The following TGFBR2 variants were observed in gnomAD, a reference collection of about 807,000 sequenced individuals.
TGFBR2 encodes transforming growth factor beta receptor 2, also known as TGF-beta receptor type-2.
A neutral mutation model predicts 49.0 loss-of-function variants in TGFBR2; 18 were observed. The ratio of observed to expected loss-of-function variants is 0.37; its 90% CI spans 0.25 to 0.54. The LOEUF (loss-of-function observed/expected upper bound fraction) is 0.54, where lower values mean the gene tolerates loss of function less well. TGFBR2 is among the 20% of genes least tolerant of loss of function. The probability of loss-of-function intolerance (pLI) is 0.85; values close to 1 mark genes in which losing one functional copy is unlikely to be tolerated. For synonymous variants in TGFBR2, 282 were observed against 275.9 expected (o/e 1.02, Z -0.22); for missense variants, 525 against 722.6 (o/e 0.73, Z 3.13).
intron 1 of TGFBR2, among the ~76,000 whole-genome samples, chr3:30,617,707 G>A (rs1035822548): frequency 4.6e-5 from 7 of 152,062 alleles, no homozygotes; most frequent in African/African-American, 1.7e-4. Flanking sequence ...CGAAAATGAT[G>A]GTTTCCTATC....
intron 5 of TGFBR2, among the ~76,000 whole-genome samples, chr3:30,681,185 C>T (rs1242701429): frequency 1.5e-5 from 2 of 137,094 alleles, no homozygotes; most frequent in African/African-American, 5.5e-5. Flanking sequence ...AAAAAAAGTG[C>T]AAATGAACCA....
intron 1 of TGFBR2, among the ~76,000 whole-genome samples, chr3:30,610,865 C>T (rs989988352): frequency 1.3e-5 from 2 of 152,212 alleles, no homozygotes; most frequent in African/African-American, 4.8e-5. Flanking sequence ...CCACAGCCCA[C>T]ATTTTCCCAG....
chr3:30,623,260 T>C, intron 1 of TGFBR2: 3 of 1,613,994 alleles, frequency 1.9e-6, no homozygotes, highest in South Asian at 1.1e-5. Flanking sequence ...GGACTGCCCA[T>C]CCACTGAGAC....
intron 2 of TGFBR2, among the ~76,000 whole-genome samples, chr3:30,647,018 C>T (rs1028412717): frequency 5.9e-5 from 9 of 152,102 alleles, no homozygotes; most frequent in African/African-American, 1.9e-4. Context: ...AAAATTCTCC[C>T]GTGAAGCCAG....
At chr3:30,614,552 A>G (rs1698096758) in intron 1 of TGFBR2, among the ~76,000 whole-genome samples, 1 of 152,200 alleles carries the variant, frequency 6.6e-6, no homozygotes, top group South Asian at 2.1e-4. Flanking sequence ...ACATAGGGAA[A>G]TGAAATTGGG....
At chr3:30,682,903 T>C (rs1699562318) in intron 5 of TGFBR2, among the ~76,000 whole-genome samples, 1 of 152,198 alleles carries the variant, frequency 6.6e-6, no homozygotes, top group Admixed American at 6.5e-5. Flanking sequence ...GGGAAGGGCA[T>C]GTTCATACCA....
chr3:30,622,879 C>CAAAAAAAAAA (rs10575244), intron 1 of TGFBR2, among the ~76,000 whole-genome samples: 4 of 75,624 alleles, frequency 5.3e-5, no homozygotes, highest in Non-Finnish European at 6.9e-5. Flanking sequence ...GACTTTGTCT[C>CAAAAAAAAAA]AAAAAAAAAA....
intron 5 of TGFBR2, among the ~76,000 whole-genome samples, chr3:30,679,840 A>T (rs548198706): frequency 1.3e-5 from 2 of 152,290 alleles, no homozygotes; most frequent in South Asian, 2.1e-4. Flanking sequence ...AATAGTAGCT[A>T]TGGCCATGTA....
At position 30,691,673 on chromosome 3, in the gene TGFBR2, G is replaced by A; in HGVS notation, c.*74G>A. On this transcript the variant is annotated 3_prime_UTR_variant, in exon 7 of 7. Coordinates refer to ENST00000295754, the MANE Select transcript of TGFBR2 (RefSeq NM_003242.6). ...CAAAGAACAGAGGCAGCAGGAAGCT[G>A]CCCCTGAACTGATGCTTCCTGGAAA... 6.3e-7 allele frequency: 1 copy of A among 1,577,092 alleles called. No homozygotes were observed. Among genetic ancestry groups the A allele is most frequent in the South Asian group, 1.1e-5 (1 of 89,860 alleles).
In TGFBR2 at chr3:30,672,354, C is replaced by T. The variant is rs779762218; in HGVS notation, c.1171C>T (p.Leu391=). ...KSSNILVKND[L]TCCLCDFGLS... The stretch of plus-strand genomic sequence containing the variant: ...CTCCAATATCCTCGTGAAGAACGAC[C>T]TAACCTGCTGCCTGTGTGACTTTGG... The change falls in exon 4 of 7, where the codon CTA becomes TTA. Residue 391 remains leucine, a synonymous_variant. Transcript: ENST00000295754. The surrounding 1 kb of genome is among the most constrained non-coding windows in gnomAD (Gnocchi z 4.5). 2 of 1,614,078 alleles carry T rather than the reference C, an allele frequency of 1.2e-6. No individual in the cohort carries two copies. The highest frequency in any genetic ancestry group is 1.7e-6 in the Non-Finnish European group (2 of 1,179,958).
chr3:30,688,968 G>C (rs1699667861), intron 6 of TGFBR2, among the ~76,000 whole-genome samples: 1 of 152,220 alleles, frequency 6.6e-6, no homozygotes, highest in African/African-American at 2.4e-5. Context: ...GCATGCAGAA[G>C]GCTGTGTACA....
At chr3:30,620,132 A>G (rs1698202518) in intron 1 of TGFBR2, among the ~76,000 whole-genome samples, 1 of 152,160 alleles carries the variant, frequency 6.6e-6, no homozygotes, top group Admixed American at 6.5e-5. Flanking sequence ...GTTTGCAGTG[A>G]GCCGAGATCG....
Position 30,627,519 on chromosome 3 carries a change from A to G in TGFBR2, c.95-17228A>G, listed in dbSNP as rs371743493. 2.0e-5 allele frequency among the ~76,000 whole-genome samples: 3 copies of G among 152,108 alleles called. No individual in the cohort carries two copies. The East Asian group carries it at 5.9e-4, about 30-fold the overall frequency. On this transcript the variant is annotated intron_variant, in intron 1 of 6. Transcript: ENST00000295754. Reference sequence around the variant, plus strand: ...GTAGCCAGTAGCCTAAAAACCCTGTATTTTGGAGGCTGTTACTTCATAATC... The same window carrying G: ...GTAGCCAGTAGCCTAAAAACCCTGTGTTTTGGAGGCTGTTACTTCATAATC...
intron 1 of TGFBR2, among the ~76,000 whole-genome samples, chr3:30,617,515 C>A (rs373967606): frequency 6.6e-6 from 1 of 152,116 alleles, no homozygotes; most frequent in African/African-American, 2.4e-5. Context: ...AATCTCAATA[C>A]CCCTGGGCAC....
At chr3:30,607,770 G>A (rs1157894845) in intron 1 of TGFBR2, among the ~76,000 whole-genome samples, 2 of 141,612 alleles carry the variant, frequency 1.4e-5, no homozygotes, top group East Asian at 2.0e-4. Flanking sequence ...TGTCTCTGAA[G>A]GTTTTTAAGG....
chr3:30,657,849 G>A (rs140191348), intron 3 of TGFBR2, among the ~76,000 whole-genome samples: 243 of 152,300 alleles, frequency 1.6e-3, no homozygotes, highest in Non-Finnish European at 2.8e-3. Flanking sequence ...GAATGTGGAG[G>A]ATGCTGTTCA....
chr3:30,632,285 A>G (rs1575138169), intron 1 of TGFBR2, among the ~76,000 whole-genome samples: 2 of 152,346 alleles, frequency 1.3e-5, no homozygotes. Context: ...TCTCAAAGCC[A>G]AAGTAGATCA....
Position 30,671,743 on chromosome 3 carries a change from A to G in TGFBR2, c.560A>G (p.Tyr187Cys). The G allele has an allele frequency of 6.2e-7, 1 of 1,614,124 alleles. No individual in the cohort carries two copies. Residue 187 changes from tyrosine (Y) to cysteine (C), a missense_variant, in exon 4 of 7, where the codon TAC (tyrosine) becomes TGC (cysteine). This residue lies in a region of TGFBR2 where 376 missense variants were observed against 478.2 expected (regional missense o/e 0.79). Transcript: ENST00000295754. ...GCCATATCTGTCATCATCATCTTCTACTGCTACCGCGTTAACCGGCAGCAG... is the reference window on the plus strand; with the variant it reads ...GCCATATCTGTCATCATCATCTTCTGCTGCTACCGCGTTAACCGGCAGCAG... ...GVAISVIIIF[Y>C]CYRVNRQQKL...
intron 3 of TGFBR2, among the ~76,000 whole-genome samples, chr3:30,662,523 A>T (rs574937858): frequency 3.3e-5 from 5 of 152,344 alleles, no homozygotes; most frequent in African/African-American, 1.2e-4. Flanking sequence ...TCATTTGAGG[A>T]AAAAATACTC....
Sources: gnomAD v4.1 joint callset for allele counts (sites outside exome capture counted in the v4.1 genomes callset) on GRCh38, gnomAD v4.1.1 for gene constraint, gnomAD v4.1.1 regional missense constraint, Gnocchi (gnomAD v3.1) non-coding constraint, MANE v1.5 for transcripts, NCBI Gene and HGNC (gene_info 2026-07-23, HGNC 2026-07-21) for gene names.